The following LCP2 variants were observed in gnomAD, a reference collection of about 807,000 sequenced individuals.
The protein encoded by LCP2 is lymphocyte cytosolic protein 2, also known as 76 kDa tyrosine phosphoprotein.
In LCP2, 29 loss-of-function variants were observed where a neutral mutation model predicts 74.5. That is an observed-to-expected ratio of 0.39 (90% CI 0.29 to 0.53). The LOEUF (loss-of-function observed/expected upper bound fraction) is 0.53, where lower values mean the gene tolerates loss of function less well. LCP2 is among the 20% of genes least tolerant of loss of function. The pLI, the probability that LCP2 is intolerant of heterozygous loss-of-function variation, is 0.72. For synonymous variants in LCP2, 228 were observed against 229.5 expected (o/e 0.99, Z 0.06); for missense variants, 604 against 634.6 (o/e 0.95, Z 0.52).
At chr5:170,283,136 C>T (rs1429099456) in intron 3 of LCP2, among the ~76,000 whole-genome samples, 1 of 152,162 alleles carries the variant, frequency 6.6e-6, no homozygotes, top group Non-Finnish European at 1.5e-5. Flanking sequence ...CCATATTAAC[C>T]CTTCATGTTC....
rs745596318 is a variant in LCP2, at chr5:170,253,133, G to T, written c.1231C>A (p.Pro411Thr). 1.2e-6 allele frequency: 2 copies of T among 1,609,716 alleles called. No individual in the cohort carries two copies. The highest frequency in any genetic ancestry group is 1.7e-6 in the Non-Finnish European group (2 of 1,177,404). ...PLPNKPRPPS[P>T]AEEENSLNEE... ...TGCTCTCTTACCTCTTCCTCCGCGG[G>T]GGATGGGGGCCGAGGTTTGTTTGGA... Residue 411 changes from proline (P) to threonine (T), a missense_variant, in exon 18 of 21, where the codon CCC becomes ACC. Physicochemically the swap from Pro to Thr is conservative, Grantham distance 38 (BLOSUM62 -1). Transcript: ENST00000046794.
At chr5:170,274,213 G>A (rs953818163) in intron 6 of LCP2, 88 bp downstream of exon 6, 24 of 1,376,890 alleles carry the variant, frequency 1.7e-5, no homozygotes, top group African/African-American at 1.1e-4. Flanking sequence ...TTAGAGCCCC[G>A]CTTCACTTGG....
At position 170,258,056 on chromosome 5, in the gene LCP2, G is replaced by A; in HGVS notation, c.1081C>T (p.Pro361Ser). 6.2e-7 allele frequency: 1 copy of A among 1,613,888 alleles called. No homozygotes were observed. The highest frequency in any genetic ancestry group is 8.5e-7 in the Non-Finnish European group (1 of 1,179,780). The change falls in exon 16 of 21, where the codon CCT becomes TCT. Residue 361 changes from proline (P) to serine (S), a missense_variant. By Grantham distance (74) the Pro-to-Ser change is moderately conservative. Transcript: ENST00000046794. ...PMNPLPSSHM[P>S]GAFSESNSSF... ...ACAAACCTTTCTGAGAATGCTCCAG[G>A]CATGTGAGAGGATGGGAGAGGGTTC...
At chr5:170,248,917 A>G in intron 20 of LCP2, 98 bp from the exon 21 acceptor site, 1 of 1,213,090 alleles carries the variant, frequency 8.2e-7, no homozygotes, top group Non-Finnish European at 1.2e-6. Context: ...CTGCCTCTTC[A>G]AGTGATGAGG....
chr5:170,293,375 G>A lies in LCP2; in HGVS notation c.79-3C>T, dbSNP rs962580918. On this transcript the variant is annotated splice_region_variant and splice_polypyrimidine_tract_variant and intron_variant, in intron 1 of 20. Coordinates refer to ENST00000046794, the MANE Select transcript of LCP2 (RefSeq NM_005565.5). ...TTCTCACAGTCCTTATAGTTGAGCT[G>A]CAAAGAGAAGGGGAAGGTGTTGTTA... 2 of 1,590,106 alleles carry A rather than the reference G, an allele frequency of 1.3e-6. No homozygotes were observed. The highest frequency in any genetic ancestry group is 1.7e-6 in the Non-Finnish European group (2 of 1,167,506).
At chr5:170,294,612 C>A (rs1762341428) in intron 1 of LCP2, among the ~76,000 whole-genome samples, 1 of 152,186 alleles carries the variant, frequency 6.6e-6, no homozygotes. Flanking sequence ...TTATAGCTAG[C>A]AAATCCAAAG....
intron 5 of LCP2, 136 bp from the exon 6 acceptor site, chr5:170,274,474 G>T (rs1310194345): frequency 2.3e-6 from 2 of 863,642 alleles, no homozygotes; most frequent in Non-Finnish European, 3.7e-6. Flanking sequence ...CCACACCCCT[G>T]CAGGTTTAGC....
At chr5:170,252,363 T>G in intron 19 of LCP2, 71 bp downstream of exon 19, 1 of 862,430 alleles carries the variant, frequency 1.2e-6, no homozygotes, top group Non-Finnish European at 1.9e-6. Context: ...TAATTGGTAC[T>G]CAGGACAGGT....
intron 3 of LCP2, 99 bp downstream of exon 3, chr5:170,287,871 A>G: frequency 9.0e-7 from 1 of 1,109,294 alleles, no homozygotes; most frequent in Non-Finnish European, 1.4e-6. Flanking sequence ...TTCTTATTTC[A>G]AGCCGACAAT....
At chr5:170,254,936 CT>C (rs1177458802) in intron 17 of LCP2, among the ~76,000 whole-genome samples, 1 of 152,176 alleles carries the variant, frequency 6.6e-6, no homozygotes, top group East Asian at 1.9e-4. Flanking sequence ...ACCAGGTGTC[CT>C]GGCAGTCTTA....
In LCP2 at chr5:170,253,184, C is replaced by T. The variant is rs749880153; in HGVS notation, c.1180G>A (p.Glu394Lys). Reference protein sequence around the residue: ...GPSNRPPIRAEGRNFPLPLPN... With the variant: ...GPSNRPPIRAKGRNFPLPLPN... ...AGTGGCAAGGGGAAGTTTCTGCCTT[C>T]GGCTCTGATAGGTGGTCTGTTGCTA... The change falls in exon 18 of 21, where the codon GAA (glutamate) becomes AAA (lysine). Residue 394 changes from glutamate (E) to lysine (K), a missense_variant. Glu to Lys is a moderately conservative substitution (Grantham distance 56). Coordinates refer to ENST00000046794, the MANE Select transcript of LCP2 (RefSeq NM_005565.5). The T allele has an allele frequency of 2.9e-5, 46 of 1,610,288 alleles. No homozygotes were observed. Among genetic ancestry groups the T allele is most frequent in the South Asian group, 5.5e-5 (5 of 90,124 alleles).
chr5:170,297,256 G>A (rs1024128126), intron 1 of LCP2, among the ~76,000 whole-genome samples: 8 of 152,120 alleles, frequency 5.3e-5, no homozygotes, highest in Admixed American at 2.6e-4. Context: ...AGTAGGGAGC[G>A]CTAAATGGGA....
chr5:170,284,433 T>C (rs2113204467), intron 3 of LCP2, among the ~76,000 whole-genome samples: 1 of 151,756 alleles, frequency 6.6e-6, no homozygotes, highest in African/African-American at 2.4e-5. Flanking sequence ...ATCCTTGCAT[T>C]TGTTCCTCTG....
chr5:170,261,152 G>A lies in LCP2; in HGVS notation c.927-15C>T, dbSNP rs1461103153. On this transcript the variant is annotated splice_polypyrimidine_tract_variant and intron_variant, in intron 13 of 20. Coordinates refer to ENST00000046794, the MANE Select transcript of LCP2 (RefSeq NM_005565.5). ...CCCATCCATGCCTGAAATGAATTAG[G>A]GCAAATAAAAAGAACTGAGCATGAA... The A allele has an allele frequency of 6.9e-6, 11 of 1,591,132 alleles. No homozygotes were observed. Among genetic ancestry groups the A allele is most frequent in the Non-Finnish European group, 9.5e-6 (11 of 1,160,212 alleles).
intron 6 of LCP2, among the ~76,000 whole-genome samples, chr5:170,273,010 C>A (rs150121593): frequency 5.0e-4 from 75 of 149,206 alleles, no homozygotes; most frequent in African/African-American, 1.8e-3. Context: ...CTGCCTGATT[C>A]ATGAATCACT....
intron 1 of LCP2, among the ~76,000 whole-genome samples, chr5:170,296,224 G>A (rs932209564): frequency 6.6e-6 from 1 of 152,132 alleles, no homozygotes; most frequent in Admixed American, 6.5e-5. Context: ...AAAACCAGTT[G>A]CGCAACAATA....
intron 3 of LCP2, among the ~76,000 whole-genome samples, chr5:170,281,473 C>CT (rs1762102332): frequency 6.6e-6 from 1 of 152,090 alleles, no homozygotes; most frequent in Non-Finnish European, 1.5e-5. Context: ...GTAGAAACAG[C>CT]GTTTCACTGT....
At chr5:170,284,753 CT>C (rs35520354) in intron 3 of LCP2, among the ~76,000 whole-genome samples, 17,171 of 137,672 alleles carry the variant, frequency 0.12, 1,854 homozygotes, top group African/African-American at 0.33. Flanking sequence ...TTCCTTGATG[CT>C]TTTTTTTTTT....
rs530885410 is a variant in LCP2, at chr5:170,248,401, G to A, written c.*296C>T. ...TGTTTCTGTAGCTGTGTAAACTACT[G>A]TATTTTGAAATGGGCATTAAATAAT... On this transcript the variant is annotated 3_prime_UTR_variant, in exon 21 of 21. Transcript: ENST00000046794. 7.4e-6 allele frequency: 2 copies of A among 270,746 alleles called. No homozygotes were observed. Among genetic ancestry groups the A allele is most frequent in the South Asian group, 3.7e-5 (1 of 27,176 alleles). 16.8% of individuals were successfully genotyped at this position (270,746 alleles called of 1,614,324 possible). A position where few individuals can be genotyped will look rare whatever the true frequency, so the allele number is the denominator to read the frequency against.
Sources: allele counts gnomAD v4.1 joint callset (sites outside exome capture counted in the v4.1 genomes callset), GRCh38; gene constraint gnomAD v4.1.1; transcripts MANE v1.5; gene names NCBI Gene and HGNC (gene_info 2026-07-23, HGNC 2026-07-21).